THSD4: variants seen among roughly 807,000 people sequenced by gnomAD.
THSD4 encodes thrombospondin type 1 domain containing 4.
In THSD4, 69 loss-of-function variants were observed where a neutral mutation model predicts 119.0. The ratio of observed to expected loss-of-function variants is 0.58; its 90% CI spans 0.48 to 0.71. The LOEUF is 0.71. THSD4 is among the 30% of genes least tolerant of loss of function. The pLI, the probability that THSD4 is intolerant of heterozygous loss-of-function variation, is 0.00. For synonymous variants in THSD4, 524 were observed against 540.4 expected, an observed-to-expected ratio of 0.97 and a Z score of 0.42; for missense variants, 1,393 against 1,391.1, an observed-to-expected ratio of 1.00 and a Z score of -0.02.
At chr15:71,574,739 C>T (rs1034964458) in intron 7 of THSD4, among the ~76,000 whole-genome samples, 1 of 152,134 alleles carries the variant, frequency 6.6e-6, no homozygotes, top group Non-Finnish European at 1.5e-5. Flanking sequence ...GGTCTTATAT[C>T]TCATACATGA....
chr15:71,401,921 C>A (rs1273433259), intron 6 of THSD4, among the ~76,000 whole-genome samples: 2 of 152,050 alleles, frequency 1.3e-5, no homozygotes, highest in East Asian at 3.9e-4. Context: ...ACTATGCAGC[C>A]ATAAAAAAGG....
At chr15:71,147,502 C>T (rs771319155) in intron 2 of THSD4, 1 of 152,262 alleles carries the variant, frequency 6.6e-6, no homozygotes, top group Non-Finnish European at 1.5e-5. Context: ...TTTCTTCCTT[C>T]ACTTTATTCT....
At chr15:71,467,153 C>T (rs1281206321) in intron 7 of THSD4, among the ~76,000 whole-genome samples, 2 of 152,220 alleles carry the variant, frequency 1.3e-5, no homozygotes, top group East Asian at 1.9e-4. Flanking sequence ...CTCCCCAAAT[C>T]TATTTTCCAC....
intron 6 of THSD4, among the ~76,000 whole-genome samples, chr15:71,340,284 G>A (rs2045548293): frequency 6.6e-6 from 1 of 152,216 alleles, no homozygotes; most frequent in Non-Finnish European, 1.5e-5. Flanking sequence ...CCATTTCATA[G>A]ATGAGGAACC....
intron 1 of THSD4, among the ~76,000 whole-genome samples, chr15:71,117,246 T>A (rs532757599): frequency 6.6e-6 from 1 of 152,168 alleles, no homozygotes; most frequent in Admixed American, 6.5e-5. Context: ...TCCTATGCCA[T>A]AAAGAAATAT....
chr15:71,237,464 A>G (rs371472711), intron 4 of THSD4, among the ~76,000 whole-genome samples: 2 of 152,174 alleles, frequency 1.3e-5, no homozygotes, highest in Admixed American at 6.5e-5. Context: ...TGGAGGAAAG[A>G]TGGTCAATCC....
chr15:71,738,398 C>A (rs2053169515), intron 11 of THSD4, among the ~76,000 whole-genome samples: 2 of 152,238 alleles, frequency 1.3e-5, no homozygotes, highest in East Asian at 3.9e-4. Flanking sequence ...AATGGCAAAC[C>A]CTCACCTCTG....
At chr15:71,713,038 G>T (rs1435075459) in intron 8 of THSD4, among the ~76,000 whole-genome samples, 1 of 152,200 alleles carries the variant, frequency 6.6e-6, no homozygotes, top group Non-Finnish European at 1.5e-5. Context: ...TATGATAATT[G>T]TTAATATTAT....
intron 2 of THSD4, among the ~76,000 whole-genome samples, chr15:71,142,597 G>A (rs562742991): frequency 2.6e-5 from 4 of 152,180 alleles, no homozygotes; most frequent in Non-Finnish European, 5.9e-5. Context: ...ATGGTTGGCA[G>A]CTTAAATATC....
rs376747861 is a variant in THSD4, at chr15:71,602,174, C to T, written c.1153-58356C>T. The stretch of plus-strand genomic sequence containing the variant: ...GAGCTAAAGGTCTTTGTACTTGAGA[C>T]ACTGAAGGAGCCAAAAAATAATTAA... On this transcript the variant is annotated intron_variant, in intron 7 of 17. Transcript: ENST00000261862. Among the ~76,000 whole-genome samples, 17 of 152,194 alleles carry T rather than the reference C, an allele frequency of 1.1e-4. No homozygotes were observed. The East Asian group carries it at 2.1e-3, about 19-fold the overall frequency.
At chr15:71,381,761 T>C (rs1285216517) in intron 6 of THSD4, among the ~76,000 whole-genome samples, 2 of 152,216 alleles carry the variant, frequency 1.3e-5, no homozygotes, top group Non-Finnish European at 2.9e-5. Flanking sequence ...TGCTGCCGTA[T>C]TAGATTTTTA....
chr15:71,221,641 T>C (rs1239166228), intron 4 of THSD4, among the ~76,000 whole-genome samples: 3 of 152,222 alleles, frequency 2.0e-5, no homozygotes, highest in African/African-American at 7.2e-5. Context: ...AGTATTCCAT[T>C]GCATGTATAG....
Position 71,672,918 on chromosome 15 carries a change from A to G in THSD4, c.1357+12184A>G, listed in dbSNP as rs571762178. Among the ~76,000 whole-genome samples, 21 of 152,304 alleles carry G rather than the reference A, an allele frequency of 1.4e-4. No individual in the cohort carries two copies. The South Asian group carries it at 1.7e-3, about 12-fold the overall frequency. On this transcript the variant is annotated intron_variant, in intron 8 of 17. Transcript: ENST00000261862. ...TATTTTATTGAGGATTTTTGCATCAATGTTCATCAGGGATATTGGTCTAAA... is the reference window on the plus strand; with the variant it reads ...TATTTTATTGAGGATTTTTGCATCAGTGTTCATCAGGGATATTGGTCTAAA...
At chr15:71,146,957 A>G (rs1052984540) in intron 2 of THSD4, among the ~76,000 whole-genome samples, 1 of 152,194 alleles carries the variant, frequency 6.6e-6, no homozygotes, top group Non-Finnish European at 1.5e-5. Flanking sequence ...CAATGGAGTC[A>G]AGGTGTGATC....
chr15:71,615,932 G>A (rs1406444367), intron 7 of THSD4, among the ~76,000 whole-genome samples: 3 of 152,152 alleles, frequency 2.0e-5, no homozygotes, highest in Admixed American at 6.5e-5. Flanking sequence ...GTAACCTTCT[G>A]TGCATTCATG....
At chr15:71,643,417 G>A (rs1417261639) in intron 7 of THSD4, among the ~76,000 whole-genome samples, 1 of 151,962 alleles carries the variant, frequency 6.6e-6, no homozygotes, top group Non-Finnish European at 1.5e-5. Flanking sequence ...CCAGTACGAA[G>A]CCTAGTACCC....
intron 4 of THSD4, among the ~76,000 whole-genome samples, chr15:71,238,061 G>A (rs1264105759): frequency 6.6e-6 from 1 of 152,056 alleles, no homozygotes; most frequent in African/African-American, 2.4e-5. Context: ...ATGGTGGTGT[G>A]GGGGCGGGGT....
At chr15:71,363,537 C>T (rs2045920993) in intron 6 of THSD4, among the ~76,000 whole-genome samples, 1 of 152,146 alleles carries the variant, frequency 6.6e-6, no homozygotes, top group Non-Finnish European at 1.5e-5. Flanking sequence ...GATAGTGTCT[C>T]AGGCAGCAGT....
Position 71,727,569 on chromosome 15 carries a change from TATATATATATATATATATACAC to T in THSD4, c.1358-978_1358-957del, listed in dbSNP as rs1567121973. On this transcript the variant is annotated intron_variant, in intron 8 of 17. Coordinates refer to ENST00000261862, the MANE Select transcript of THSD4 (RefSeq NM_024817.3). ...AAAAAAAAAAATATATATATATATA[TATATATATATATATATATACAC>T]ACACACACACACACACACACACACA... Among the ~76,000 whole-genome samples, 32 of 29,876 alleles carry T rather than the reference TATATATATATATATATATACAC, an allele frequency of 1.1e-3. No individual in the cohort carries two copies. The South Asian group carries it at 0.031, about 29-fold the overall frequency. 19.6% of individuals were successfully genotyped at this position (29,876 alleles called of 152,430 possible).
Sources: allele counts gnomAD v4.1 joint callset (sites outside exome capture counted in the v4.1 genomes callset), GRCh38; gene constraint gnomAD v4.1.1; transcripts MANE v1.5; gene names NCBI Gene and HGNC (gene_info 2026-07-23, HGNC 2026-07-21).